The following ZBTB20 variants were observed in gnomAD, a reference collection of about 807,000 sequenced individuals.
ZBTB20 encodes zinc finger and BTB domain-containing protein 20.
ZBTB20 carries 9 observed loss-of-function variants against 56.9 expected under a neutral mutation model. The observed-to-expected ratio is 0.16, with a 90% confidence interval of 0.10 to 0.28. ZBTB20 has a LOEUF of 0.28. Ranked by LOEUF, ZBTB20 falls within the 10% of genes least tolerant of loss-of-function variation. ZBTB20 has a pLI of 1.00. For missense variants in ZBTB20, 655 were observed against 1,003.0 expected, an observed-to-expected ratio of 0.65 and a Z score of 4.69; for synonymous variants, 417 against 420.7, an observed-to-expected ratio of 0.99 and a Z score of 0.11.
At chr3:114,386,357 C>A (rs923671536) in intron 8 of ZBTB20, among the ~76,000 whole-genome samples, 1 of 151,554 alleles carries the variant, frequency 6.6e-6, no homozygotes, top group Non-Finnish European at 1.5e-5. Flanking sequence ...AGGATCCTGG[C>A]AAAAATAGAT....
rs146455308 is a variant in ZBTB20 at position 114,360,967 on chromosome 3, A to T, written c.200-9089T>A. 3.0e-3 allele frequency among the ~76,000 whole-genome samples: 460 copies of T among 152,320 alleles called. 2 individuals carry two copies. The highest frequency in any genetic ancestry group is 0.011 in the African/African-American group (440 of 41,558). ...TCAAAACCTTGGGAGGTTCTGGTAA[A>T]TAAGTAAAGTAGAAGGCATACTTTA... On this transcript the variant is annotated intron_variant, in intron 10 of 11. Coordinates refer to ENST00000675478, the MANE Select transcript of ZBTB20 (RefSeq NM_001348800.3).
intron 7 of ZBTB20, among the ~76,000 whole-genome samples, chr3:114,467,464 C>T (rs902119075): frequency 1.3e-5 from 2 of 152,132 alleles, no homozygotes; most frequent in African/African-American, 4.8e-5. Context: ...GCTTCAAATG[C>T]TTCAAGAATT....
At chr3:114,726,720 G>A (rs546529012) in intron 5 of ZBTB20, among the ~76,000 whole-genome samples, 2 of 151,232 alleles carry the variant, frequency 1.3e-5, no homozygotes, top group Admixed American at 6.6e-5. Context: ...TGATCATCCT[G>A]GCTAACATGG....
intron 5 of ZBTB20, among the ~76,000 whole-genome samples, chr3:114,706,286 G>C (rs548580572): frequency 3.9e-5 from 6 of 152,080 alleles, no homozygotes; most frequent in Non-Finnish European, 7.4e-5. Flanking sequence ...TCATAAAAGG[G>C]GGCATTAAAT....
At chr3:114,765,274 C>A (rs2068709669) in intron 5 of ZBTB20, among the ~76,000 whole-genome samples, 1 of 151,968 alleles carries the variant, frequency 6.6e-6, no homozygotes, top group Non-Finnish European at 1.5e-5. Context: ...CAGAAAATGA[C>A]CATATTTGGA....
chr3:114,734,953 C>T (rs2066036780), intron 5 of ZBTB20, among the ~76,000 whole-genome samples: 1 of 151,886 alleles, frequency 6.6e-6, no homozygotes, highest in African/African-American at 2.4e-5. Context: ...ACCCACTACC[C>T]AGAGAAAACT....
At chr3:114,939,316 C>A (rs1361710431) in intron 3 of ZBTB20, among the ~76,000 whole-genome samples, 4 of 146,236 alleles carry the variant, frequency 2.7e-5, no homozygotes, top group Non-Finnish European at 5.9e-5. Flanking sequence ...AATGTCCAAG[C>A]ATAAGGATTG....
At chr3:114,971,738 T>C (rs1374876945) in intron 3 of ZBTB20, among the ~76,000 whole-genome samples, 1 of 152,198 alleles carries the variant, frequency 6.6e-6, no homozygotes, top group Non-Finnish European at 1.5e-5. Context: ...TGTATTACAA[T>C]GGAACTTAAA....
In ZBTB20 at chr3:115,000,278, A is replaced by G. The variant is rs578232405; in HGVS notation, c.-506-25862T>C. Among the ~76,000 whole-genome samples the G allele has an allele frequency of 2.0e-5, 3 of 151,796 alleles. No homozygotes were observed. The South Asian group carries it at 6.2e-4, about 31-fold the overall frequency. ...TGATTTTAAATGTTGATTACAGCAC[A>G]TTATTTAATATTTTAAATATTGACT... On this transcript the variant is annotated intron_variant, in intron 2 of 11. Coordinates refer to ENST00000675478, the MANE Select transcript of ZBTB20 (RefSeq NM_001348800.3).
intron 1 of ZBTB20, among the ~76,000 whole-genome samples, chr3:115,102,160 C>T (rs139244127): frequency 1.3e-4 from 20 of 152,276 alleles, no homozygotes; most frequent in Middle Eastern, 3.4e-3. Context: ...CTAGTCTCAT[C>T]GTAATCCACC....
In ZBTB20 at chr3:114,330,257, T is replaced by C. The variant is rs1176551863; in HGVS notation, c.*8748A>G. 2 of 152,184 alleles carry C rather than the reference T, an allele frequency of 1.3e-5. No individual in the cohort carries two copies. The highest frequency in any genetic ancestry group is 4.8e-5 in the African/African-American group (2 of 41,438). The allele number at this position is 152,184 out of a possible 1,614,324, so 9.4% of individuals were successfully genotyped here. ...TATAAAAAGCAAATTAGAGCACTAA[T>C]GATTATTACTAGATGCACCAGATTA... On this transcript the variant is annotated 3_prime_UTR_variant, in exon 12 of 12. Coordinates refer to ENST00000675478, the MANE Select transcript of ZBTB20 (RefSeq NM_001348800.3).
Position 114,737,784 on chromosome 3 carries a change from G to C in ZBTB20, c.-342-44209C>G, listed in dbSNP as rs558687553. Among the ~76,000 whole-genome samples the C allele has an allele frequency of 7.2e-5, 11 of 152,218 alleles. 1 individual carries two copies. In the South Asian group the frequency reaches 2.3e-3, roughly 32 times the overall value. Reference sequence around the variant, plus strand: ...GTAGAAATATTTTCATCAAAGCCCTGATCATCTTCCCTTTTTGAGGTGAAA... The same window carrying C: ...GTAGAAATATTTTCATCAAAGCCCTCATCATCTTCCCTTTTTGAGGTGAAA... On this transcript the variant is annotated intron_variant, in intron 5 of 11. Transcript: ENST00000675478.
intron 6 of ZBTB20, among the ~76,000 whole-genome samples, chr3:114,550,876 G>A (rs577347731): frequency 6.9e-4 from 105 of 152,184 alleles, no homozygotes; most frequent in African/African-American, 2.4e-3. Flanking sequence ...TCAGCGTCCC[G>A]AGTAGCTGTG....
At chr3:114,778,300 G>T (rs1400793839) in intron 5 of ZBTB20, among the ~76,000 whole-genome samples, 3 of 96,156 alleles carry the variant, frequency 3.1e-5, no homozygotes, top group African/African-American at 1.1e-4. Context: ...AAAAAAAAAA[G>T]ATCACACCGT....
intron 6 of ZBTB20, among the ~76,000 whole-genome samples, chr3:114,675,213 A>G (rs1327559328): frequency 6.6e-6 from 1 of 151,904 alleles, no homozygotes; most frequent in Admixed American, 6.6e-5. Context: ...AGCTGTAGTC[A>G]TCAAAGTGGA....
intron 6 of ZBTB20, among the ~76,000 whole-genome samples, chr3:114,617,305 G>A (rs1230850190): frequency 6.6e-6 from 1 of 152,138 alleles, no homozygotes; most frequent in Non-Finnish European, 1.5e-5. Flanking sequence ...GCTCTGCCAT[G>A]CTATTTCTAG....
chr3:114,654,504 T>C (rs1370384388), intron 6 of ZBTB20, among the ~76,000 whole-genome samples: 1 of 152,054 alleles, frequency 6.6e-6, no homozygotes, highest in African/African-American at 2.4e-5. Flanking sequence ...CTCAATCTTT[T>C]GAAAATGTTT....
At chr3:114,395,256 A>G (rs1175291277) in intron 7 of ZBTB20, among the ~76,000 whole-genome samples, 1 of 152,206 alleles carries the variant, frequency 6.6e-6, no homozygotes, top group Non-Finnish European at 1.5e-5. Context: ...TATTTAGCAG[A>G]GAGGTCATTG....
At chr3:114,564,491 C>A (rs1270118921) in intron 6 of ZBTB20, among the ~76,000 whole-genome samples, 1 of 151,930 alleles carries the variant, frequency 6.6e-6, no homozygotes, top group African/African-American at 2.4e-5. Context: ...TTTACATATA[C>A]CCTCATAATT....
Sources: gnomAD v4.1 joint callset for allele counts (sites outside exome capture counted in the v4.1 genomes callset) on GRCh38, gnomAD v4.1.1 for gene constraint, MANE v1.5 for transcripts, NCBI Gene and HGNC (gene_info 2026-07-23, HGNC 2026-07-21) for gene names.